The following RBMS3 variants were observed in gnomAD, a reference collection of about 807,000 sequenced individuals.
RBMS3 encodes the protein RNA binding motif single stranded interacting protein 3, also known as RNA-binding motif, single-stranded-interacting protein 3.
In RBMS3, 27 loss-of-function variants were observed where a neutral mutation model predicts 66.8. The observed-to-expected ratio is 0.40, with a 90% confidence interval of 0.30 to 0.56. The LOEUF (loss-of-function observed/expected upper bound fraction) is 0.56. RBMS3 is among the 20% of genes least tolerant of loss of function. The probability of loss-of-function intolerance (pLI) is 0.40; values close to 1 mark genes in which losing one functional copy is unlikely to be tolerated. For synonymous variants in RBMS3, 188 were observed against 183.0 expected (o/e 1.03, Z -0.22); for missense variants, 513 against 549.5 (o/e 0.93, Z 0.66).
intron 2 of RBMS3, among the ~76,000 whole-genome samples, chr3:29,474,409 C>T (rs1014371751): frequency 2.0e-5 from 3 of 152,224 alleles, no homozygotes; most frequent in South Asian, 2.1e-4. Context: ...ATGTTTAGTA[C>T]AAGGGATTAC....
intron 1 of RBMS3, among the ~76,000 whole-genome samples, chr3:29,333,439 G>A (rs1356993535): frequency 1.3e-5 from 2 of 152,008 alleles, no homozygotes; most frequent in Non-Finnish European, 2.9e-5. Context: ...TTGATAAAAA[G>A]TATAATTTAA....
intron 4 of RBMS3, among the ~76,000 whole-genome samples, chr3:29,597,838 C>T (rs1357434273): frequency 2.0e-5 from 3 of 151,742 alleles, no homozygotes; most frequent in African/African-American, 7.3e-5. Flanking sequence ...CTCATTTTTT[C>T]ATACTCATGA....
At chr3:29,853,861 G>GC (rs1289161783) in intron 6 of RBMS3, among the ~76,000 whole-genome samples, 1 of 152,086 alleles carries the variant, frequency 6.6e-6, no homozygotes, top group African/African-American at 2.4e-5. Flanking sequence ...CCTGAAACCT[G>GC]CCCCTACTTG....
chr3:29,667,662 A>G (rs2149240857), intron 4 of RBMS3, among the ~76,000 whole-genome samples: 1 of 152,330 alleles, frequency 6.6e-6, no homozygotes, highest in Non-Finnish European at 1.5e-5. Flanking sequence ...TCTGAAGGAA[A>G]GTCTTCTGAA....
At chr3:29,496,403 C>G (rs1011995125) in intron 3 of RBMS3, among the ~76,000 whole-genome samples, 7 of 151,966 alleles carry the variant, frequency 4.6e-5, no homozygotes, top group Admixed American at 2.6e-4. Context: ...TTGATATTGG[C>G]TTTTGTTTTC....
At chr3:29,289,754 CAAT>C (rs2125421380) in intron 1 of RBMS3, among the ~76,000 whole-genome samples, 1 of 151,846 alleles carries the variant, frequency 6.6e-6, no homozygotes, top group African/African-American at 2.4e-5. Context: ...GTAAATCTAA[CAAT>C]ATTTTAAGTT....
At chr3:29,811,974 C>T (rs534516847) in intron 6 of RBMS3, among the ~76,000 whole-genome samples, 2 of 152,196 alleles carry the variant, frequency 1.3e-5, no homozygotes, top group South Asian at 4.2e-4. Context: ...GATTTGGGCT[C>T]TACATGTCAA....
intron 3 of RBMS3, among the ~76,000 whole-genome samples, chr3:29,503,736 C>A (rs903572900): frequency 6.6e-6 from 1 of 152,084 alleles, no homozygotes; most frequent in African/African-American, 2.4e-5. Context: ...CTCAGGTAGA[C>A]CACAGATGTA....
intron 3 of RBMS3, among the ~76,000 whole-genome samples, chr3:29,534,555 A>T (rs960882458): frequency 6.6e-6 from 1 of 152,134 alleles, no homozygotes; most frequent in Non-Finnish European, 1.5e-5. Flanking sequence ...AAATATGATA[A>T]TTTTTTCCTA....
intron 12 of RBMS3, among the ~76,000 whole-genome samples, chr3:29,954,040 T>G (rs1407930709): frequency 3.9e-5 from 6 of 151,900 alleles, no homozygotes; most frequent in African/African-American, 1.4e-4. Flanking sequence ...TAGCATTGAT[T>G]GCCCTCTATC....
At chr3:29,406,915 C>A (rs1252107045) in intron 1 of RBMS3, among the ~76,000 whole-genome samples, 8 of 152,132 alleles carry the variant, frequency 5.3e-5, no homozygotes, top group Non-Finnish European at 1.2e-4. Context: ...GCATCACAGT[C>A]ACTTACCTAT....
chr3:29,554,788 A>G (rs1379430443), intron 3 of RBMS3, among the ~76,000 whole-genome samples: 1 of 152,216 alleles, frequency 6.6e-6, no homozygotes, highest in Non-Finnish European at 1.5e-5. Flanking sequence ...CTTATATGAG[A>G]TGAAGAGGTG....
intron 3 of RBMS3, among the ~76,000 whole-genome samples, chr3:29,558,529 T>G (rs1156809621): frequency 6.6e-6 from 1 of 152,192 alleles, no homozygotes; most frequent in Non-Finnish European, 1.5e-5. Flanking sequence ...ATAGAATAAC[T>G]TGTAACACTA....
At chr3:29,707,400 G>A (rs1576579456) in intron 4 of RBMS3, among the ~76,000 whole-genome samples, 2 of 152,276 alleles carry the variant, frequency 1.3e-5, no homozygotes, top group East Asian at 3.9e-4. Flanking sequence ...AGGGATTAAT[G>A]ATGTTCCATA....
At chr3:29,838,138 A>G (rs996286380) in intron 6 of RBMS3, among the ~76,000 whole-genome samples, 2 of 143,174 alleles carry the variant, frequency 1.4e-5, no homozygotes, top group South Asian at 4.6e-4. Context: ...TGAGTTCACA[A>G]CCAGCCTGGG....
Position 29,331,572 on chromosome 3 carries a change from G to A in RBMS3, c.75+49816G>A, listed in dbSNP as rs2035655182. ...CCCACAAATCCTCATCTCAGACCTT[G>A]CTTCCAGGAAACCAGACTTGAGACA... On this transcript the variant is annotated intron_variant, in intron 1 of 14. Transcript: ENST00000383767. Among the ~76,000 whole-genome samples, 17 of 152,010 alleles carry A rather than the reference G, an allele frequency of 1.1e-4. 2 individuals are homozygous for A. Among genetic ancestry groups the A allele is most frequent in the Admixed American group, 1.1e-3 (17 of 15,226 alleles).
At chr3:29,801,920 C>T (rs9846795) in intron 6 of RBMS3, among the ~76,000 whole-genome samples, 64,967 of 151,502 alleles carry the variant, frequency 0.43, 14,084 homozygotes, top group Non-Finnish European at 0.45. Context: ...GTGAGAATTA[C>T]AGCATATTTG....
At chr3:29,536,254 T>C (rs1180663014) in intron 3 of RBMS3, among the ~76,000 whole-genome samples, 1 of 152,184 alleles carries the variant, frequency 6.6e-6, no homozygotes, top group East Asian at 1.9e-4. Flanking sequence ...GGTAATTTCA[T>C]TAAATGGAAG....
chr3:29,996,421 A>T (rs866933869), intron 14 of RBMS3, among the ~76,000 whole-genome samples: 10 of 150,082 alleles, frequency 6.7e-5, no homozygotes, highest in South Asian at 2.1e-4. Flanking sequence ...AGCGGACCTA[A>T]TAGACACCTA....
Sources: gnomAD v4.1 joint callset for allele counts (sites outside exome capture counted in the v4.1 genomes callset) on GRCh38, gnomAD v4.1.1 for gene constraint, MANE v1.5 for transcripts, NCBI Gene and HGNC (gene_info 2026-07-23, HGNC 2026-07-21) for gene names.